The following JARID2 variants were observed in gnomAD, a reference collection of about 807,000 sequenced individuals.
The protein encoded by JARID2 is protein Jumonji.
Under a neutral mutation model 125.6 loss-of-function variants are expected in JARID2, and 21 were observed. That is an observed-to-expected ratio of 0.17 (90% CI 0.12 to 0.24). JARID2 has a LOEUF of 0.24. Among genes scored for constraint, JARID2 ranks in the 10% least tolerant of loss-of-function variants. JARID2 has a pLI of 1.00. For synonymous variants in JARID2, 736 were observed against 661.6 expected (o/e 1.11, Z -1.73); for missense variants, 1,303 against 1,639.6 (o/e 0.79, Z 3.55).
At chr6:15,311,543 A>G (rs1050982167) in intron 1 of JARID2, among the ~76,000 whole-genome samples, 4 of 152,094 alleles carry the variant, frequency 2.6e-5, no homozygotes, top group African/African-American at 9.7e-5. Context: ...GCGCCATTGT[A>G]CTCCAGCCTG....
chr6:15,286,663 ATCCTG>A, intron 1 of JARID2, among the ~76,000 whole-genome samples: 1 of 151,844 alleles, frequency 6.6e-6, no homozygotes, highest in Admixed American at 6.6e-5. Flanking sequence ...GATCGAGAGC[ATCCTG>A]GCTAACACGG....
At chr6:15,283,223 CCA>C (rs1471900609) in intron 1 of JARID2, among the ~76,000 whole-genome samples, 3 of 150,804 alleles carry the variant, frequency 2.0e-5, no homozygotes, top group Non-Finnish European at 4.4e-5. Context: ...TGTGATCTGC[CCA>C]CCTTGGCCTC....
intron 1 of JARID2, among the ~76,000 whole-genome samples, chr6:15,306,492 C>T (rs1421593989): frequency 6.6e-6 from 1 of 151,812 alleles, no homozygotes; most frequent in Non-Finnish European, 1.5e-5. Context: ...CTGCCACACG[C>T]CCAGCTAATT....
chr6:15,324,681 C>T (rs1762477737), intron 1 of JARID2, among the ~76,000 whole-genome samples: 1 of 150,024 alleles, frequency 6.7e-6, no homozygotes, highest in Non-Finnish European at 1.5e-5. Flanking sequence ...GTTTTGTAGC[C>T]TTGCTTTATT....
intron 1 of JARID2, chr6:15,247,508 G>T (rs1214955781): frequency 2.0e-6 from 2 of 977,418 alleles, no homozygotes; most frequent in Non-Finnish European, 2.4e-6. Flanking sequence ...TCTGTGATTA[G>T]CTGCATGCTT....
intron 17 of JARID2, among the ~76,000 whole-genome samples, chr6:15,518,973 G>T (rs1191029582): frequency 6.6e-6 from 1 of 152,188 alleles, no homozygotes; most frequent in African/African-American, 2.4e-5. Flanking sequence ...CATGGCTTGG[G>T]TTCTCATGGA....
At chr6:15,255,094 C>T (rs1290438721) in intron 1 of JARID2, among the ~76,000 whole-genome samples, 1 of 150,888 alleles carries the variant, frequency 6.6e-6, no homozygotes, top group Non-Finnish European at 1.5e-5. Flanking sequence ...CCTCCATACT[C>T]CCAGTAAGAG....
chr6:15,333,056 C>T (rs779852316), intron 1 of JARID2, among the ~76,000 whole-genome samples: 6 of 150,736 alleles, frequency 4.0e-5, no homozygotes, highest in East Asian at 2.0e-4. Context: ...CTCAGCCTCC[C>T]GAGTAGCTTG....
At chr6:15,329,165 G>A (rs1029000123) in intron 1 of JARID2, among the ~76,000 whole-genome samples, 1 of 136,466 alleles carries the variant, frequency 7.3e-6, no homozygotes, top group South Asian at 2.5e-4. Flanking sequence ...AGAAACAAAT[G>A]TCTCTTTAAT....
intron 7 of JARID2, among the ~76,000 whole-genome samples, chr6:15,500,270 C>T (rs1465296987): frequency 2.6e-5 from 4 of 152,168 alleles, no homozygotes; most frequent in South Asian, 4.1e-4. Flanking sequence ...GGGCGAGGGA[C>T]GAGGCATAGA....
chr6:15,486,828 A>T (rs367830036), intron 5 of JARID2, among the ~76,000 whole-genome samples: 1 of 26,022 alleles, frequency 3.8e-5, no homozygotes, highest in Non-Finnish European at 6.5e-5. Flanking sequence ...TTTTTTTGAG[A>T]CAGAGTCTCG....
intron 2 of JARID2, among the ~76,000 whole-genome samples, chr6:15,387,751 T>G (rs1404803299): frequency 6.6e-6 from 1 of 152,206 alleles, no homozygotes; most frequent in Non-Finnish European, 1.5e-5. Flanking sequence ...TAGAGCTGTT[T>G]GACCTTTGAG....
At chr6:15,317,883 A>G (rs573461521) in intron 1 of JARID2, among the ~76,000 whole-genome samples, 1 of 152,252 alleles carries the variant, frequency 6.6e-6, no homozygotes, top group Admixed American at 6.5e-5. Flanking sequence ...AAACTGGTGT[A>G]TTTAGGCGTC....
intron 1 of JARID2, among the ~76,000 whole-genome samples, chr6:15,301,721 G>A (rs1469836945): frequency 2.6e-5 from 4 of 152,170 alleles, no homozygotes; most frequent in East Asian, 1.9e-4. Flanking sequence ...TATTTGAAAC[G>A]TGAGGAAAAT....
intron 1 of JARID2, among the ~76,000 whole-genome samples, chr6:15,319,136 G>GCTGT (rs1274153720): frequency 6.6e-6 from 1 of 152,160 alleles, no homozygotes; most frequent in African/African-American, 2.4e-5. Flanking sequence ...GAGAGAGGAT[G>GCTGT]CTGTCTGTCT....
At chr6:15,413,140 C>T (rs1765978314) in intron 3 of JARID2, among the ~76,000 whole-genome samples, 1 of 151,296 alleles carries the variant, frequency 6.6e-6, no homozygotes, top group Non-Finnish European at 1.5e-5. Flanking sequence ...CTGCCTCAGC[C>T]TTCCGAGTAG....
At chr6:15,457,619 T>C (rs1217126464) in intron 4 of JARID2, among the ~76,000 whole-genome samples, 30 of 150,218 alleles carry the variant, frequency 2.0e-4, no homozygotes, top group East Asian at 5.8e-4. Flanking sequence ...TTTTTTTTTT[T>C]CCCTTCTCCA....
intron 16 of JARID2, among the ~76,000 whole-genome samples, chr6:15,516,230 A>G (rs1049985447): frequency 7.2e-5 from 11 of 152,228 alleles, no homozygotes; most frequent in African/African-American, 2.7e-4. Context: ...ACCGCAGACG[A>G]AAACAAGTCC....
intron 1 of JARID2, among the ~76,000 whole-genome samples, chr6:15,315,184 C>T (rs1170954886): frequency 1.3e-5 from 2 of 152,162 alleles, no homozygotes; most frequent in Non-Finnish European, 2.9e-5. Context: ...GGAAGAGCAA[C>T]GTGCTTGTCC....
Sources: gnomAD v4.1 joint callset for allele counts (sites outside exome capture counted in the v4.1 genomes callset) on GRCh38, gnomAD v4.1.1 for gene constraint, MANE v1.5 for transcripts, NCBI Gene and HGNC (gene_info 2026-07-23, HGNC 2026-07-21) for gene names.